RIMS1: variants seen among roughly 807,000 people sequenced by gnomAD.
RIMS1 encodes the protein regulating synaptic membrane exocytosis protein 1.
A neutral mutation model predicts 214.1 loss-of-function variants in RIMS1; 83 were observed. The ratio of observed to expected loss-of-function variants is 0.39; its 90% CI spans 0.32 to 0.47. The LOEUF is 0.47. RIMS1 is among the 20% of genes least tolerant of loss of function. RIMS1 has a pLI of 0.99. For missense variants in RIMS1, 2,050 were observed against 2,161.8 expected, an observed-to-expected ratio of 0.95 and a Z score of 1.03; for synonymous variants, 793 against 786.8, an observed-to-expected ratio of 1.01 and a Z score of -0.13.
chr6:72,341,433 A>G (rs958943907), intron 29 of RIMS1, among the ~76,000 whole-genome samples: 14 of 151,980 alleles, frequency 9.2e-5, no homozygotes, highest in African/African-American at 2.9e-4. Flanking sequence ...CTCAAATCAA[A>G]TAAGCTCCGT....
At chr6:71,912,199 C>G (rs1317194092) in intron 1 of RIMS1, among the ~76,000 whole-genome samples, 3 of 152,032 alleles carry the variant, frequency 2.0e-5, no homozygotes, top group Admixed American at 2.0e-4. Context: ...GTCTATAAAC[C>G]TACATCAGAA....
intron 6 of RIMS1, among the ~76,000 whole-genome samples, chr6:72,192,928 A>G (rs191953882): frequency 2.6e-5 from 4 of 152,280 alleles, no homozygotes; most frequent in African/African-American, 9.6e-5. Context: ...CTCCTTTGGC[A>G]GTACCCACAC....
chr6:72,322,823 A>T (rs1307939921), intron 28 of RIMS1, among the ~76,000 whole-genome samples: 1 of 152,146 alleles, frequency 6.6e-6, no homozygotes, highest in African/African-American at 2.4e-5. Flanking sequence ...AAATTTCACA[A>T]TTCAGGAACT....
intron 2 of RIMS1, among the ~76,000 whole-genome samples, chr6:72,090,594 T>C (rs1328061548): frequency 6.6e-6 from 1 of 152,102 alleles, no homozygotes; most frequent in Non-Finnish European, 1.5e-5. Context: ...GCAGTTTCAC[T>C]AAAAGGGGGA....
intron 4 of RIMS1, among the ~76,000 whole-genome samples, chr6:72,168,720 G>T: frequency 8.7e-6 from 1 of 115,292 alleles, no homozygotes; most frequent in African/African-American, 3.1e-5. Context: ...CTAGTTTCAG[G>T]GTTTTTTTTT....
At chr6:72,336,783 C>T (rs760650634) in intron 29 of RIMS1, among the ~76,000 whole-genome samples, 80 of 151,882 alleles carry the variant, frequency 5.3e-4, no homozygotes, top group Non-Finnish European at 1.0e-3. Flanking sequence ...AATTATCACT[C>T]CTCTTTGTTT....
intron 2 of RIMS1, among the ~76,000 whole-genome samples, chr6:71,970,645 C>T (rs1795626842): frequency 2.0e-5 from 3 of 152,146 alleles, no homozygotes; most frequent in Admixed American, 2.0e-4. Flanking sequence ...TGGAAACTTC[C>T]CTGTGGCTCT....
At chr6:72,346,364 T>TA (rs1232243484) in intron 29 of RIMS1, among the ~76,000 whole-genome samples, 2 of 151,844 alleles carry the variant, frequency 1.3e-5, no homozygotes. Context: ...TCTTAAGATC[T>TA]AACGCTTGAG....
chr6:72,108,035 T>A (rs1005782539), intron 4 of RIMS1, among the ~76,000 whole-genome samples: 1 of 152,190 alleles, frequency 6.6e-6, no homozygotes, highest in African/African-American at 2.4e-5. Flanking sequence ...TGTTTTGTTT[T>A]TGAGACAGGG....
intron 17 of RIMS1, 133 bp downstream of exon 17, chr6:72,258,414 A>C (rs1162914861): frequency 1.0e-6 from 1 of 981,084 alleles, no homozygotes. Flanking sequence ...TTGTAGGCAA[A>C]ATTTTTTTTA....
At chr6:71,966,429 T>C (rs760679441) in intron 1 of RIMS1, among the ~76,000 whole-genome samples, 1 of 152,178 alleles carries the variant, frequency 6.6e-6, no homozygotes, top group Non-Finnish European at 1.5e-5. Flanking sequence ...ACAGAAACAG[T>C]ATATTAACTT....
chr6:72,298,707 G>A (rs777851481), intron 26 of RIMS1, among the ~76,000 whole-genome samples: 4 of 151,944 alleles, frequency 2.6e-5, no homozygotes, highest in Non-Finnish European at 5.9e-5. Flanking sequence ...TCCACACCAC[G>A]TTCCTGTAAC....
chr6:71,997,879 T>G (rs1803946246), intron 2 of RIMS1, among the ~76,000 whole-genome samples: 1 of 152,142 alleles, frequency 6.6e-6, no homozygotes, highest in Non-Finnish European at 1.5e-5. Flanking sequence ...TGCCACTCTA[T>G]TCTAGAGAAA....
chr6:72,358,560 C>T (rs1168017546), intron 29 of RIMS1, among the ~76,000 whole-genome samples: 2 of 151,962 alleles, frequency 1.3e-5, no homozygotes, highest in East Asian at 3.9e-4. Context: ...AGAAAGAAGA[C>T]ATTTGTTTAA....
intron 6 of RIMS1, among the ~76,000 whole-genome samples, chr6:72,208,924 CA>C (rs1450444859): frequency 6.6e-6 from 1 of 152,090 alleles, no homozygotes; most frequent in Non-Finnish European, 1.5e-5. Flanking sequence ...GTAATTGCCT[CA>C]ATTACTCCAT....
At position 71,901,188 on chromosome 6, in the gene RIMS1, T is replaced by C. The variant is rs1773493771; in HGVS notation, c.164+14001T>C. ...TGATTGTGGGCATGATAGAGCCACT[T>C]GAGAAAACTCTGGCAGTTTCTTAAA... On this transcript the variant is annotated intron_variant, in intron 1 of 33. Transcript: ENST00000521978. Among the ~76,000 whole-genome samples, 3 of 152,090 alleles carry C rather than the reference T, an allele frequency of 2.0e-5. No individual in the cohort carries two copies. In the South Asian group the frequency reaches 6.2e-4, roughly 32 times the overall value.
At position 72,164,268 on chromosome 6, in the gene RIMS1, G is replaced by A. The variant is rs373381408; in HGVS notation, c.472-15307G>A. 9.2e-5 allele frequency among the ~76,000 whole-genome samples: 14 copies of A among 152,156 alleles called. No individual in the cohort carries two copies. In the East Asian group the frequency reaches 2.1e-3, roughly 23 times the overall value. ...CGCAGTATTAGGGTGGGAGTGACCC[G>A]ATTTTCCAGGTGCCGTCTGTCACCC... On this transcript the variant is annotated intron_variant, in intron 4 of 33. Transcript: ENST00000521978.
chr6:72,051,240 A>G (rs917666010), intron 2 of RIMS1, among the ~76,000 whole-genome samples: 1 of 152,138 alleles, frequency 6.6e-6, no homozygotes, highest in African/African-American at 2.4e-5. Flanking sequence ...GGCCCTGGAA[A>G]TTTTAGGGTT....
At chr6:72,259,964 T>C (rs17783700) in intron 18 of RIMS1, among the ~76,000 whole-genome samples, 14,219 of 152,118 alleles carry the variant, frequency 0.093, 716 homozygotes, top group Middle Eastern at 0.17. Context: ...CCTACCTAAT[T>C]GCCATCCTAC....
Sources: allele counts gnomAD v4.1 joint callset (sites outside exome capture counted in the v4.1 genomes callset), GRCh38; gene constraint gnomAD v4.1.1; transcripts MANE v1.5; gene names NCBI Gene and HGNC (gene_info 2026-07-23, HGNC 2026-07-21).